The following FHOD3 variants were observed in gnomAD, a reference collection of about 807,000 sequenced individuals.
FHOD3 encodes formin homology 2 domain containing 3.
Under a neutral mutation model 173.0 loss-of-function variants are expected in FHOD3, and 90 were observed. That is an observed-to-expected ratio of 0.52 (90% CI 0.44 to 0.62). The LOEUF (loss-of-function observed/expected upper bound fraction) is 0.62. FHOD3 is among the 20% of genes least tolerant of loss of function. FHOD3 has a pLI of 0.00. For synonymous variants in FHOD3, 828 were observed against 823.0 expected (o/e 1.01, Z -0.10); for missense variants, 1,945 against 2,034.7 (o/e 0.96, Z 0.85).
chr18:36,512,458 T>A lies in FHOD3; in HGVS notation c.426T>A (p.His142Gln), dbSNP rs748356671. The stretch of plus-strand genomic sequence containing the variant: ...GCCAGGATGACAAGGATTTGGTGCA[T>A]GAATTTGTAGTGGCTGAAGGTCTGA... The part of the protein sequence containing the change: ...QIFQDDKDLV[H>Q]EFVVAEGLTC... Residue 142 changes from histidine to glutamine, a missense_variant, in exon 5 of 29, where the codon CAT becomes CAA. Transcript: ENST00000590592. The A allele has an allele frequency of 1.9e-6, 3 of 1,613,922 alleles. No individual in the cohort carries two copies. The African/African-American group carries it at 4.0e-5, about 22-fold the overall frequency.
intron 1 of FHOD3, among the ~76,000 whole-genome samples, chr18:36,354,660 G>C (rs954891737): frequency 1.3e-5 from 2 of 152,066 alleles, no homozygotes; most frequent in Admixed American, 1.3e-4. Flanking sequence ...AACAAAATTG[G>C]CTAGGCATGG....
At chr18:36,374,035 G>T (rs1318115200) in intron 3 of FHOD3, among the ~76,000 whole-genome samples, 2 of 152,176 alleles carry the variant, frequency 1.3e-5, no homozygotes, top group Non-Finnish European at 2.9e-5. Flanking sequence ...AGAAATTTGG[G>T]ACATGAATAT....
chr18:36,480,967 A>G (rs955854219), intron 3 of FHOD3, among the ~76,000 whole-genome samples: 1 of 145,574 alleles, frequency 6.9e-6, no homozygotes, highest in Admixed American at 6.7e-5. Context: ...GCCATTTCCA[A>G]CCACAGTTTT....
intron 5 of FHOD3, among the ~76,000 whole-genome samples, chr18:36,571,483 A>G (rs913692471): frequency 1.2e-4 from 19 of 152,216 alleles, no homozygotes; most frequent in Admixed American, 9.8e-4. Flanking sequence ...TTATTTCCAG[A>G]AAGATTTTGT....
At chr18:36,547,867 G>C (rs916988025) in intron 5 of FHOD3, among the ~76,000 whole-genome samples, 2 of 152,112 alleles carry the variant, frequency 1.3e-5, no homozygotes, top group African/African-American at 4.8e-5. Context: ...TAAAGCAGAG[G>C]AGTAAGATTG....
In FHOD3 at chr18:36,760,625, C is replaced by T. The variant is rs953170163; in HGVS notation, c.4467C>T (p.Gly1489=). Residue 1489 remains glycine (G), a synonymous_variant, in exon 27 of 29, where the codon GGC becomes GGT. Coordinates refer to ENST00000590592, the MANE Select transcript of FHOD3 (RefSeq NM_001281740.3). ...EEEVESGKFS[G]SSPAPPSQPQ... ...TTTTGCAGTCTGGCAAGTTCTCCGG[C>T]AGTTCTCCGGCGCCCCCAAGCCAGC... The T allele has an allele frequency of 2.5e-6, 4 of 1,583,428 alleles. No homozygotes were observed. The African/African-American group carries it at 4.1e-5, about 16-fold the overall frequency.
At chr18:36,680,336 C>A (rs560208178) in intron 14 of FHOD3, among the ~76,000 whole-genome samples, 2 of 152,292 alleles carry the variant, frequency 1.3e-5, no homozygotes, top group African/African-American at 4.8e-5. Context: ...ATCTGTGTTC[C>A]CCACCTTGCA....
chr18:36,668,650 C>T lies in FHOD3; in HGVS notation c.1835+10462C>T, dbSNP rs148326612. The stretch of plus-strand genomic sequence containing the variant: ...AATTTTCCTCTAAGTATTGCTTTTG[C>T]TGCATTCCACAAAGTTTAATATGTT... On this transcript the variant is annotated intron_variant, in intron 14 of 28. Coordinates refer to ENST00000590592, the MANE Select transcript of FHOD3 (RefSeq NM_001281740.3). Among the ~76,000 whole-genome samples, 16 of 152,038 alleles carry T rather than the reference C, an allele frequency of 1.1e-4. No individual in the cohort carries two copies. The East Asian group carries it at 3.1e-3, about 29-fold the overall frequency.
At chr18:36,343,122 A>C (rs574489121) in intron 1 of FHOD3, among the ~76,000 whole-genome samples, 29 of 152,360 alleles carry the variant, frequency 1.9e-4, no homozygotes, top group Admixed American at 8.5e-4. Context: ...TTTTCTTAAA[A>C]TGTTAATGAC....
At chr18:36,568,031 G>A (rs894064826) in intron 5 of FHOD3, among the ~76,000 whole-genome samples, 2 of 151,730 alleles carry the variant, frequency 1.3e-5, no homozygotes, top group African/African-American at 4.8e-5. Flanking sequence ...GGACTAAGAA[G>A]GGGGAGCCTC....
intron 3 of FHOD3, among the ~76,000 whole-genome samples, chr18:36,405,165 A>G (rs2048999654): frequency 1.3e-5 from 2 of 152,216 alleles, no homozygotes; most frequent in Non-Finnish European, 2.9e-5. Context: ...AGAAATGGAC[A>G]TGTGGCTGAA....
intron 3 of FHOD3, among the ~76,000 whole-genome samples, chr18:36,396,919 G>A (rs2048580243): frequency 6.6e-6 from 1 of 151,986 alleles, no homozygotes; most frequent in Non-Finnish European, 1.5e-5. Context: ...TTAGCATAGG[G>A]TTTAGAAACA....
chr18:36,423,591 G>A (rs1041001813), intron 3 of FHOD3, among the ~76,000 whole-genome samples: 7 of 152,184 alleles, frequency 4.6e-5, no homozygotes, highest in Admixed American at 2.0e-4. Context: ...GTGAACAATA[G>A]TAGAAGTACC....
At chr18:36,299,675 C>G (rs7239578) in intron 1 of FHOD3, among the ~76,000 whole-genome samples, 6 of 152,206 alleles carry the variant, frequency 3.9e-5, no homozygotes, top group African/African-American at 1.4e-4. Flanking sequence ...TCCACTGCCC[C>G]CCTCCTCACC....
At chr18:36,465,846 A>C (rs1438407219) in intron 3 of FHOD3, among the ~76,000 whole-genome samples, 1 of 151,948 alleles carries the variant, frequency 6.6e-6, no homozygotes, top group African/African-American at 2.4e-5. Flanking sequence ...CTCTAATCTA[A>C]ATCCTTCTAA....
At chr18:36,591,889 C>T (rs192590754) in intron 6 of FHOD3, among the ~76,000 whole-genome samples, 2 of 152,294 alleles carry the variant, frequency 1.3e-5, no homozygotes, top group East Asian at 1.9e-4. Context: ...CACCACCACA[C>T]TCCAGCCTGG....
intron 3 of FHOD3, among the ~76,000 whole-genome samples, chr18:36,475,481 TG>T (rs1002591207): frequency 1.3e-5 from 1 of 79,168 alleles, no homozygotes; most frequent in Non-Finnish European, 2.9e-5. Flanking sequence ...GTGGAGGGGT[TG>T]GGTGCGGGGT....
chr18:36,582,388 T>C (rs768537971), intron 6 of FHOD3, among the ~76,000 whole-genome samples: 2 of 152,230 alleles, frequency 1.3e-5, no homozygotes, highest in East Asian at 1.9e-4. Flanking sequence ...GGCAATGTCA[T>C]GTTAAAGGTG....
chr18:36,348,973 C>G (rs1204760252), intron 1 of FHOD3, among the ~76,000 whole-genome samples: 15 of 152,152 alleles, frequency 9.9e-5, no homozygotes, highest in Admixed American at 9.8e-4. Context: ...GTTGAGGTGG[C>G]AAGCTCATGA....
Sources: gnomAD v4.1 joint callset for allele counts (sites outside exome capture counted in the v4.1 genomes callset) on GRCh38, gnomAD v4.1.1 for gene constraint, MANE v1.5 for transcripts, NCBI Gene and HGNC (gene_info 2026-07-23, HGNC 2026-07-21) for gene names.